The following DZIP3 variants were observed in gnomAD, a reference collection of about 807,000 sequenced individuals.
DZIP3 encodes DAZ interacting zinc finger protein 3, also known as E3 ubiquitin-protein ligase DZIP3.
Under a neutral mutation model 162.0 loss-of-function variants are expected in DZIP3, and 118 were observed. That is an observed-to-expected ratio of 0.73 (90% CI 0.63 to 0.85). DZIP3 has a LOEUF of 0.85. Ranked by LOEUF, DZIP3 falls within the 40% of genes least tolerant of loss-of-function variation. The pLI is 0.00. For synonymous variants in DZIP3, 438 were observed against 458.6 expected (o/e 0.96, Z 0.57); for missense variants, 1,331 against 1,407.0 (o/e 0.95, Z 0.86).
chr3:108,648,239 G>C (rs56153625), intron 16 of DZIP3, 127 bp downstream of exon 16: 43,425 of 824,942 alleles, frequency 0.053, 1,352 homozygotes, highest in Middle Eastern at 0.07. Context: ...TACAGAGCTT[G>C]AATTGGAATG....
intron 27 of DZIP3, among the ~76,000 whole-genome samples, chr3:108,685,760 T>G (rs1302333515): frequency 6.6e-6 from 1 of 152,154 alleles, no homozygotes. Flanking sequence ...TATATGCTAA[T>G]CACAAAATGC....
chr3:108,662,295 C>T (rs763548892), intron 21 of DZIP3, 38 bp downstream of exon 21: 2 of 1,553,482 alleles, frequency 1.3e-6, no homozygotes, highest in African/African-American at 1.4e-5. Flanking sequence ...AATTCTGCGC[C>T]GTAATAAACA....
In DZIP3 at chr3:108,648,893, TAATA is replaced by T; in HGVS notation, c.1963-19_1963-16del. On this transcript the variant is annotated intron_variant, in intron 16 of 32. Coordinates refer to ENST00000361582, the MANE Select transcript of DZIP3 (RefSeq NM_014648.4). ...CATTGGGCAATTTGAATTACATATT[TAATA>T]AATAATTTTTTACCTACTAGGTTAA... is the stretch of plus-strand genomic sequence containing the variant. The T allele has an allele frequency of 4.5e-6, 5 of 1,114,024 alleles. No individual in the cohort carries two copies. The South Asian group carries it at 7.7e-5, about 17-fold the overall frequency. 69.0% of individuals were successfully genotyped at this position (1,114,024 alleles called of 1,614,324 possible).
chr3:108,668,232 A>G (rs1285276761), intron 21 of DZIP3, among the ~76,000 whole-genome samples: 1 of 152,120 alleles, frequency 6.6e-6, no homozygotes, highest in Admixed American at 6.6e-5. Flanking sequence ...GCAGTTAGTA[A>G]TATGTCAAGA....
intron 26 of DZIP3, among the ~76,000 whole-genome samples, chr3:108,680,035 G>T (rs138442027): frequency 0.013 from 1,982 of 151,938 alleles, 41 homozygotes; most frequent in African/African-American, 0.046. Flanking sequence ...CAGAAAGAAG[G>T]ACAAAAACCA....
chr3:108,661,067 G>T (rs891958360), intron 19 of DZIP3, among the ~76,000 whole-genome samples: 37 of 152,208 alleles, frequency 2.4e-4, no homozygotes, highest in Non-Finnish European at 4.9e-4. Flanking sequence ...CATTGTGGAA[G>T]TCCATGTGGC....
In DZIP3 at chr3:108,663,255, A is replaced by G. The variant is rs372938001; in HGVS notation, c.2423+998A>G. 6.7e-4 allele frequency among the ~76,000 whole-genome samples: 102 copies of G among 152,236 alleles called. 2 individuals are homozygous for G. In the South Asian group the frequency reaches 0.021, roughly 31 times the overall value. On this transcript the variant is annotated intron_variant, in intron 21 of 32. Coordinates refer to ENST00000361582, the MANE Select transcript of DZIP3 (RefSeq NM_014648.4). ...TAGACAAACGAAGCTGGCTGCAATC[A>G]CTTAAGAAACTTTACTTTAGGCCGG... is the stretch of plus-strand genomic sequence containing the variant.
At chr3:108,650,345 A>T (rs745579604) in intron 17 of DZIP3, among the ~76,000 whole-genome samples, 2 of 151,788 alleles carry the variant, frequency 1.3e-5, no homozygotes, top group Non-Finnish European at 3.0e-5. Flanking sequence ...CATAGAATCA[A>T]ATTGGTACTG....
chr3:108,613,842 A>G (rs1220161367), intron 4 of DZIP3, among the ~76,000 whole-genome samples: 1 of 152,208 alleles, frequency 6.6e-6, no homozygotes, highest in African/African-American at 2.4e-5. Flanking sequence ...GATAATCTAG[A>G]AAACCGTATG....
intron 5 of DZIP3, among the ~76,000 whole-genome samples, chr3:108,621,597 A>G (rs1941347458): frequency 6.6e-6 from 1 of 152,232 alleles, no homozygotes; most frequent in African/African-American, 2.4e-5. Context: ...TGTACAAAAT[A>G]CAGGCAATAA....
At chr3:108,602,285 T>C (rs1940063385) in intron 1 of DZIP3, among the ~76,000 whole-genome samples, 1 of 152,048 alleles carries the variant, frequency 6.6e-6, no homozygotes, top group Admixed American at 6.5e-5. Flanking sequence ...CTAAAAAAAA[T>C]TGTTAAAATT....
intron 8 of DZIP3, among the ~76,000 whole-genome samples, chr3:108,632,729 C>T (rs1269224579): frequency 1.3e-5 from 2 of 152,178 alleles, no homozygotes; most frequent in Non-Finnish European, 2.9e-5. Context: ...ATGTTTATAT[C>T]ATTCATTAAG....
chr3:108,669,667 G>C lies in DZIP3; in HGVS notation c.2424-14G>C. 6.2e-7 allele frequency: 1 copy of C among 1,608,876 alleles called. No individual in the cohort carries two copies. ...ATTTCTAACATCTTTTGACTTTCTTGCTTGTTTGCTTAGATTACAGCGTCA... is the reference window on the plus strand; with the variant it reads ...ATTTCTAACATCTTTTGACTTTCTTCCTTGTTTGCTTAGATTACAGCGTCA... On this transcript the variant is annotated splice_polypyrimidine_tract_variant and intron_variant, in intron 21 of 32. Coordinates refer to ENST00000361582, the MANE Select transcript of DZIP3 (RefSeq NM_014648.4).
intron 12 of DZIP3, 57 bp from the exon 13 acceptor site, chr3:108,642,381 T>C (rs1001456834): frequency 7.0e-6 from 10 of 1,425,524 alleles, no homozygotes; most frequent in Non-Finnish European, 9.4e-6. Context: ...CTAGAAATCT[T>C]GACTGACTTT....
At chr3:108,664,671 GC>G (rs1428967668) in intron 21 of DZIP3, among the ~76,000 whole-genome samples, 1 of 152,216 alleles carries the variant, frequency 6.6e-6, no homozygotes, top group African/African-American at 2.4e-5. Context: ...CTCAGCTGGT[GC>G]CAGAAGGGCA....
chr3:108,659,032 G>T (rs1943287398), intron 19 of DZIP3, among the ~76,000 whole-genome samples: 1 of 152,162 alleles, frequency 6.6e-6, no homozygotes, highest in Non-Finnish European at 1.5e-5. Flanking sequence ...TCCAGGACCA[G>T]ATGGATTCAC....
intron 27 of DZIP3, among the ~76,000 whole-genome samples, chr3:108,685,711 G>A (rs1944473358): frequency 6.6e-6 from 1 of 152,074 alleles, no homozygotes; most frequent in Non-Finnish European, 1.5e-5. Flanking sequence ...TTATTTGGTT[G>A]TTTGAAAAAT....
intron 7 of DZIP3, among the ~76,000 whole-genome samples, chr3:108,628,045 A>G (rs1307111139): frequency 6.6e-6 from 1 of 151,848 alleles, no homozygotes; most frequent in Non-Finnish European, 1.5e-5. Flanking sequence ...TGCCTGGCTC[A>G]TTTTTGTATT....
intron 3 of DZIP3, among the ~76,000 whole-genome samples, chr3:108,610,826 G>A (rs141027295): frequency 6.6e-6 from 1 of 152,288 alleles, no homozygotes; most frequent in East Asian, 1.9e-4. Context: ...ACTGAATTGA[G>A]ATGTTGAGTC....
Sources: allele counts gnomAD v4.1 joint callset (sites outside exome capture counted in the v4.1 genomes callset), GRCh38; gene constraint gnomAD v4.1.1; transcripts MANE v1.5; gene names NCBI Gene and HGNC (gene_info 2026-07-23, HGNC 2026-07-21).